The following SLC39A11 variants were observed in gnomAD, a reference collection of about 807,000 sequenced individuals.
SLC39A11 encodes solute carrier family 39 member 11, also known as zinc transporter ZIP11.
In SLC39A11, 33 loss-of-function variants were observed where a neutral mutation model predicts 36.1. The ratio of observed to expected loss-of-function variants is 0.91; its 90% CI spans 0.69 to 1.22. The LOEUF is 1.22. Ranked by LOEUF, SLC39A11 falls within the 50% of genes most tolerant of loss-of-function variation. The pLI, the probability that SLC39A11 is intolerant of heterozygous loss-of-function variation, is 0.00. For missense variants in SLC39A11, 432 were observed against 430.3 expected (o/e 1.00, Z -0.03); for synonymous variants, 166 against 170.3 (o/e 0.97, Z 0.20).
Position 72,849,729 on chromosome 17 carries a change from G to C in SLC39A11, c.506C>G (p.Pro169Arg), listed in dbSNP as rs1443140365. The C allele has an allele frequency of 1.2e-6, 2 of 1,612,056 alleles. No individual in the cohort carries two copies. The highest frequency in any genetic ancestry group is 2.2e-5 in the East Asian group (1 of 44,748). Residue 169 changes from proline (P) to arginine (R), a missense_variant, in exon 6 of 10, where the codon CCT (proline) becomes CGT (arginine). By Grantham distance (103) the Pro-to-Arg change is moderately radical. Coordinates refer to ENST00000255559, the MANE Select transcript of SLC39A11 (RefSeq NM_139177.4). ...ATGLPEGPAV[P>R]VPSRGNLAQP... is the part of the protein sequence containing the mutation. ...TGCCAGATTCCCTCGAGAAGGCACAGGGACAGCAGGACCCTCTGGAAGGCC... is the reference window on the plus strand; with the variant it reads ...TGCCAGATTCCCTCGAGAAGGCACACGGACAGCAGGACCCTCTGGAAGGCC...
intron 5 of SLC39A11, among the ~76,000 whole-genome samples, chr17:72,935,149 G>A (rs1382900932): frequency 6.6e-6 from 1 of 152,178 alleles, no homozygotes; most frequent in Admixed American, 6.5e-5. Flanking sequence ...TAAACAAATT[G>A]TGGTGTATCC....
chr17:73,022,487 C>A (rs1174509864), intron 4 of SLC39A11, among the ~76,000 whole-genome samples: 2 of 150,620 alleles, frequency 1.3e-5, no homozygotes, highest in Non-Finnish European at 3.0e-5. Context: ...ACCAGCTACC[C>A]AGGAGGCTGA....
In SLC39A11 at chr17:73,088,712, G is replaced by A. The variant is rs2144909754; in HGVS notation, c.53C>T (p.Thr18Ile). Residue 18 changes from threonine (T) to isoleucine (I), a missense_variant, in exon 2 of 10, where the codon ACC becomes ATC. Thr to Ile is a moderately conservative substitution (Grantham distance 89, BLOSUM62 -1). Coordinates refer to ENST00000255559, the MANE Select transcript of SLC39A11 (RefSeq NM_139177.4). ...VFQALLGTFF[T>I]WGMTAAGAAL... ...TGCCCCAGCTGCTGTCATCCCCCAGGTGAAGAAGGTCCCCAGCAAGGCCTG... is the reference window on the plus strand; with the variant it reads ...TGCCCCAGCTGCTGTCATCCCCCAGATGAAGAAGGTCCCCAGCAAGGCCTG... 4 of 1,612,618 alleles carry A rather than the reference G, an allele frequency of 2.5e-6. No homozygotes were observed. Among genetic ancestry groups the A allele is most frequent in the Non-Finnish European group, 3.4e-6 (4 of 1,179,402 alleles).
chr17:72,895,235 C>T (rs2081970030), intron 5 of SLC39A11, among the ~76,000 whole-genome samples: 1 of 152,022 alleles, frequency 6.6e-6, no homozygotes, highest in Non-Finnish European at 1.5e-5. Context: ...AAAATCATTC[C>T]TGAGATGTTA....
intron 7 of SLC39A11, among the ~76,000 whole-genome samples, chr17:72,723,742 T>C (rs1328969811): frequency 2.6e-5 from 4 of 152,188 alleles, no homozygotes; most frequent in African/African-American, 9.7e-5. Context: ...GATGGAACCT[T>C]GTGGGCAATC....
intron 5 of SLC39A11, among the ~76,000 whole-genome samples, chr17:72,861,401 T>C (rs2079973751): frequency 1.3e-5 from 2 of 152,110 alleles, no homozygotes; most frequent in African/African-American, 4.8e-5. Flanking sequence ...CTTTGTGTTT[T>C]TTATTTTTAA....
chr17:72,830,281 T>TTC (rs2078223887), intron 6 of SLC39A11, among the ~76,000 whole-genome samples: 1 of 152,104 alleles, frequency 6.6e-6, no homozygotes, highest in African/African-American at 2.4e-5. Context: ...ATAGAGCAGA[T>TTC]GTGATCATTT....
rs1567770153 is a variant in SLC39A11, at chr17:72,823,164, G to A, written c.601+26470C>T. On this transcript the variant is annotated intron_variant, in intron 6 of 9. Coordinates refer to ENST00000255559, the MANE Select transcript of SLC39A11 (RefSeq NM_139177.4). ...TGGAAGAAAAATCAACAAATACCGT[G>A]AGAACTCTCTCTGTGGATGAAAACT... Among the ~76,000 whole-genome samples the A allele has an allele frequency of 1.3e-5, 2 of 151,212 alleles. 1 individual carries two copies.
intron 3 of SLC39A11, among the ~76,000 whole-genome samples, chr17:73,084,464 G>T (rs79321421): frequency 6.1e-5 from 7 of 114,010 alleles, no homozygotes; most frequent in Non-Finnish European, 7.5e-5. Context: ...AAAAAAAAAA[G>T]GCCTATAAAA....
chr17:73,062,358 C>CG (rs2059866434), intron 3 of SLC39A11, among the ~76,000 whole-genome samples: 1 of 149,420 alleles, frequency 6.7e-6, no homozygotes, highest in Non-Finnish European at 1.5e-5. Context: ...ACTTGGGAGG[C>CG]AGAGGTAGGA....
chr17:73,063,498 C>T, intron 3 of SLC39A11, among the ~76,000 whole-genome samples: 1 of 151,944 alleles, frequency 6.6e-6, no homozygotes, highest in Non-Finnish European at 1.5e-5. Flanking sequence ...GCCTGTAATC[C>T]CAGCTACTCT....
At chr17:72,843,207 C>T (rs552083972) in intron 6 of SLC39A11, among the ~76,000 whole-genome samples, 3 of 152,206 alleles carry the variant, frequency 2.0e-5, no homozygotes, top group South Asian at 4.2e-4. Flanking sequence ...CTCAGCCTCC[C>T]GAAGTGCTGG....
At chr17:72,847,759 G>A (rs903539547) in intron 6 of SLC39A11, among the ~76,000 whole-genome samples, 2 of 152,178 alleles carry the variant, frequency 1.3e-5, no homozygotes, top group African/African-American at 4.8e-5. Flanking sequence ...CAGAGGAACA[G>A]ACTCACTTTG....
intron 6 of SLC39A11, among the ~76,000 whole-genome samples, chr17:72,813,553 T>C (rs769719188): frequency 6.6e-6 from 1 of 152,220 alleles, no homozygotes; most frequent in Non-Finnish European, 1.5e-5. Flanking sequence ...ACTAGTTCTA[T>C]CCTCCTCTAT....
At chr17:72,900,718 G>C (rs2082351987) in intron 5 of SLC39A11, among the ~76,000 whole-genome samples, 1 of 152,146 alleles carries the variant, frequency 6.6e-6, no homozygotes, top group African/African-American at 2.4e-5. Flanking sequence ...TGATTGATGG[G>C]TGAGCACTTC....
chr17:73,060,210 C>CAAAAAAAAAAAAAAAAAAAAA (rs33931672), intron 3 of SLC39A11, among the ~76,000 whole-genome samples: 49 of 70,308 alleles, frequency 7.0e-4, no homozygotes, highest in African/African-American at 1.0e-3. Flanking sequence ...AACTCCATCT[C>CAAAAAAAAAAAAAAAAAAAAA]AAAAAAAAAA....
At chr17:72,784,609 G>T (rs777757320) in intron 6 of SLC39A11, among the ~76,000 whole-genome samples, 28 of 152,072 alleles carry the variant, frequency 1.8e-4, no homozygotes, top group Non-Finnish European at 3.4e-4. Context: ...GATCCTGGGG[G>T]TGGATCCCTA....
intron 5 of SLC39A11, among the ~76,000 whole-genome samples, chr17:72,871,061 T>G (rs1217868428): frequency 2.0e-5 from 3 of 151,036 alleles, no homozygotes; most frequent in East Asian, 1.9e-4. Context: ...TTTTTGTTTT[T>G]TTTTTTTTTT....
intron 3 of SLC39A11, among the ~76,000 whole-genome samples, chr17:73,056,236 T>C (rs889250417): frequency 6.6e-6 from 1 of 151,930 alleles, no homozygotes; most frequent in Non-Finnish European, 1.5e-5. Context: ...TGGAATAATC[T>C]TGGCTCAATG....
Sources: allele counts gnomAD v4.1 joint callset (sites outside exome capture counted in the v4.1 genomes callset), GRCh38; gene constraint gnomAD v4.1.1; transcripts MANE v1.5; gene names NCBI Gene and HGNC (gene_info 2026-07-23, HGNC 2026-07-21).